KIAA0753: variants seen among roughly 807,000 people sequenced by gnomAD.
KIAA0753 encodes the protein protein moonraker.
In KIAA0753, 114 loss-of-function variants were observed where a neutral mutation model predicts 116.9. The ratio of observed to expected loss-of-function variants is 0.98; its 90% CI spans 0.84 to 1.14. The LOEUF is 1.14. Ranked by LOEUF, KIAA0753 falls within the 50% of genes most tolerant of loss-of-function variation. The pLI, the probability that KIAA0753 is intolerant of heterozygous loss-of-function variation, is 0.00. For synonymous variants in KIAA0753, 405 were observed against 413.1 expected, an observed-to-expected ratio of 0.98 and a Z score of 0.24; for missense variants, 1,156 against 1,172.4, an observed-to-expected ratio of 0.99 and a Z score of 0.20.
intron 18 of KIAA0753, among the ~76,000 whole-genome samples, chr17:6,585,694 C>T (rs1288943967): frequency 6.6e-6 from 1 of 151,976 alleles, no homozygotes; most frequent in East Asian, 1.9e-4. Context: ...CTGGAAGTTC[C>T]TTTTTTATAG....
At chr17:6,618,943 A>C (rs17456477) in intron 7 of KIAA0753, among the ~76,000 whole-genome samples, 11,007 of 152,212 alleles carry the variant, frequency 0.072, 745 homozygotes, top group African/African-American at 0.17. Flanking sequence ...AAACTCCAAT[A>C]ATAGGCCAGG....
At position 6,608,451 on chromosome 17, in the gene KIAA0753, T is replaced by C; in HGVS notation, c.1726A>G (p.Lys576Glu). ...GCATCTCTGGGGCTAGTTTTCACCTTTAGCCATGCAGCACTGAAATAAATG... is the reference window on the plus strand; with the variant it reads ...GCATCTCTGGGGCTAGTTTTCACCTCTAGCCATGCAGCACTGAAATAAATG... The part of the protein sequence containing the change: ...PASPKCAAWL[K>E]VKTSPRDATK... The change falls in exon 10 of 19, where the codon AAG becomes GAG. Residue 576 changes from lysine (K) to glutamate (E), a missense_variant. By Grantham distance (56) the Lys-to-Glu change is moderately conservative (BLOSUM62 1). Transcript: ENST00000361413. 2 of 1,547,084 alleles carry C rather than the reference T, an allele frequency of 1.3e-6. No homozygotes were observed. The highest frequency in any genetic ancestry group is 8.8e-7 in the Non-Finnish European group (1 of 1,141,314).
chr17:6,618,626 G>A (rs551012132), intron 7 of KIAA0753, among the ~76,000 whole-genome samples: 24 of 152,304 alleles, frequency 1.6e-4, no homozygotes, highest in African/African-American at 5.5e-4. Context: ...AGAGTCTTAC[G>A]TAGGAAAAAC....
intron 18 of KIAA0753, among the ~76,000 whole-genome samples, 175 bp downstream of exon 18, chr17:6,589,604 C>T (rs192133481): frequency 1.7e-3 from 259 of 152,284 alleles, no homozygotes; most frequent in African/African-American, 5.8e-3. Context: ...TGCTGTTTTA[C>T]GGTTCCCTGT....
At chr17:6,627,340 T>G (rs1333605112) in intron 3 of KIAA0753, among the ~76,000 whole-genome samples, 1 of 152,236 alleles carries the variant, frequency 6.6e-6, no homozygotes, top group Non-Finnish European at 1.5e-5. Context: ...CCTTAAATTC[T>G]TTCATAAGAT....
intron 3 of KIAA0753, among the ~76,000 whole-genome samples, chr17:6,626,838 C>T (rs1024572341): frequency 6.6e-6 from 1 of 152,156 alleles, no homozygotes; most frequent in Non-Finnish European, 1.5e-5. Flanking sequence ...CCCACAGAGA[C>T]TTTGAAAGCT....
In KIAA0753 at chr17:6,628,119, T is replaced by G. The variant is rs758344995; in HGVS notation, c.716A>C (p.Lys239Thr). The G allele has an allele frequency of 6.2e-7, 1 of 1,605,212 alleles. No individual in the cohort carries two copies. Among genetic ancestry groups the G allele is most frequent in the African/African-American group, 1.3e-5 (1 of 74,126 alleles). ...CIHKIEEVTK[K>T]DRLEEALDPD... ...GTAAAGAATCTAATTTTTCTCACCTTTTTTAGTTACCTCTTCAATTTTGTG... is the reference window on the plus strand; with the variant it reads ...GTAAAGAATCTAATTTTTCTCACCTGTTTTAGTTACCTCTTCAATTTTGTG... Residue 239 changes from lysine (K) to threonine (T), a missense_variant and splice_region_variant, in exon 3 of 19, where the codon AAA becomes ACA. By Grantham distance (78) the Lys-to-Thr change is moderately conservative. Coordinates refer to ENST00000361413, the MANE Select transcript of KIAA0753 (RefSeq NM_014804.3).
chr17:6,611,089 A>G (rs1026722392), intron 8 of KIAA0753, among the ~76,000 whole-genome samples: 1 of 152,188 alleles, frequency 6.6e-6, no homozygotes, highest in African/African-American at 2.4e-5. Flanking sequence ...TCACTAATAC[A>G]ATAAGGGTAT....
At chr17:6,631,753 A>G (rs1290905718) in intron 2 of KIAA0753, among the ~76,000 whole-genome samples, 1 of 152,226 alleles carries the variant, frequency 6.6e-6, no homozygotes, top group Non-Finnish European at 1.5e-5. Context: ...ACATGATAGT[A>G]TCAAGGAGCA....
intron 7 of KIAA0753, among the ~76,000 whole-genome samples, chr17:6,615,093 C>T (rs1970796548): frequency 6.6e-6 from 1 of 152,198 alleles, no homozygotes; most frequent in African/African-American, 2.4e-5. Context: ...GCCACCACGC[C>T]TGGCTAATTT....
rs1386986197 is a variant in KIAA0753, at chr17:6,628,099, G to T, written c.718+18C>A. On this transcript the variant is annotated intron_variant, in intron 3 of 18. Transcript: ENST00000361413. ...AATCACAGCCTTAGGTCGAAGTAAA[G>T]AATCTAATTTTTCTCACCTTTTTTA... The T allele has an allele frequency of 1.9e-6, 3 of 1,599,316 alleles. No individual in the cohort carries two copies. Among genetic ancestry groups the T allele is most frequent in the Non-Finnish European group, 2.6e-6 (3 of 1,173,234 alleles).
intron 18 of KIAA0753, 99 bp downstream of exon 18, chr17:6,589,680 A>G (rs912417570): frequency 1.2e-6 from 1 of 828,782 alleles, no homozygotes; most frequent in Non-Finnish European, 1.9e-6. Flanking sequence ...GCCCAAAAGC[A>G]TATGGGATAA....
chr17:6,631,372 A>G (rs1236920836), intron 2 of KIAA0753, among the ~76,000 whole-genome samples: 1 of 152,248 alleles, frequency 6.6e-6, no homozygotes, highest in Non-Finnish European at 1.5e-5. Flanking sequence ...CACGGATTAC[A>G]ATTCAGAAAC....
rs1021715868 is a variant in KIAA0753, at chr17:6,599,374, A to G, written c.2089-54T>C. 11 of 1,165,054 alleles carry G rather than the reference A, an allele frequency of 9.4e-6. No individual in the cohort carries two copies. The African/African-American group carries it at 1.1e-4, about 11-fold the overall frequency. 72.2% of individuals were successfully genotyped at this position (1,165,054 alleles called of 1,614,324 possible). A position where few individuals can be genotyped will look rare whatever the true frequency, so the allele number is the denominator to read the frequency against. Reference sequence around the variant, plus strand: ...AGTATAAAGACTTATAGCTCCTATTAGTACAAATGAATTCTATTACCAGAA... The same window carrying G: ...AGTATAAAGACTTATAGCTCCTATTGGTACAAATGAATTCTATTACCAGAA... On this transcript the variant is annotated intron_variant, in intron 13 of 18. Coordinates refer to ENST00000361413, the MANE Select transcript of KIAA0753 (RefSeq NM_014804.3).
Position 6,589,943 on chromosome 17 carries a change from G to C in KIAA0753, c.2622C>G (p.Leu874=). ...TCTGTTGAGAATCTTCGGCTAGGGA[G>C]AGAAGAGGGGCCTCTCTTTTCTCTG... ...EGSEKREAPL[L]SLAEDSQQKE... is the part of the protein sequence containing the mutation. The change falls in exon 18 of 19, where the codon CTC becomes CTG. Residue 874 remains leucine, a synonymous_variant. Transcript: ENST00000361413. 2 of 1,608,604 alleles carry C rather than the reference G, an allele frequency of 1.2e-6. No individual in the cohort carries two copies. Among genetic ancestry groups the C allele is most frequent in the Non-Finnish European group, 1.7e-6 (2 of 1,178,426 alleles).
rs1035715733 is a variant in KIAA0753 at position 6,639,795 on chromosome 17, C to T, written c.-69+842G>A. ...CACATCCCGAGGCGGCCCTCATAGCCTGCACCTTCAGCCACAGGTGCAGAA... is the reference window on the plus strand; with the variant it reads ...CACATCCCGAGGCGGCCCTCATAGCTTGCACCTTCAGCCACAGGTGCAGAA... On this transcript the variant is annotated intron_variant, in intron 1 of 18. Transcript: ENST00000361413. The surrounding 1 kb of genome is among the most constrained non-coding windows in gnomAD (Gnocchi z 4.3). 6.5e-6 allele frequency: 1 copy of T among 152,754 alleles called. No homozygotes were observed. The highest frequency in any genetic ancestry group is 6.5e-5 in the Admixed American group (1 of 15,278). 9.5% of individuals were successfully genotyped at this position (152,754 alleles called of 1,614,324 possible).
chr17:6,580,319 T>A, intron 18 of KIAA0753, among the ~76,000 whole-genome samples: 1 of 130,380 alleles, frequency 7.7e-6, no homozygotes, highest in Non-Finnish European at 1.6e-5. Context: ...CAAGATACTT[T>A]TTTTTTTTTT....
rs1289093665 is a variant in KIAA0753, at chr17:6,620,927, G to C, written c.1176C>G (p.Ser392Arg). ...KVKKCFSEIR[S>R]RFPIGSQKAL... ...CCTTTTGGCTACCGATAGGAAATCT[G>C]CTCCGAATTTCACTGAAACATTTTT... is the stretch of plus-strand genomic sequence containing the variant. Residue 392 changes from serine to arginine, a missense_variant, in exon 7 of 19, where the codon AGC becomes AGG. Ser to Arg is a moderately radical substitution (Grantham distance 110). Transcript: ENST00000361413. The C allele has an allele frequency of 2.5e-6, 4 of 1,613,964 alleles. No individual in the cohort carries two copies. In the African/African-American group the frequency reaches 5.3e-5, roughly 22 times the overall value.
intron 7 of KIAA0753, 24 bp from the exon 8 acceptor site, chr17:6,612,172 A>C (rs751940201): frequency 1.2e-5 from 18 of 1,526,512 alleles, no homozygotes; most frequent in Non-Finnish European, 1.4e-5. Flanking sequence ...TTTGAAAAAC[A>C]AACTGAGGAA....
Sources: allele counts gnomAD v4.1 joint callset (sites outside exome capture counted in the v4.1 genomes callset), GRCh38; gene constraint gnomAD v4.1.1; non-coding constraint Gnocchi (gnomAD v3.1); transcripts MANE v1.5; gene names NCBI Gene and HGNC (gene_info 2026-07-23, HGNC 2026-07-21).